The following SCN3B variants were observed in gnomAD, a reference collection of about 807,000 sequenced individuals.
SCN3B encodes the protein sodium voltage-gated channel beta subunit 3, also known as sodium channel regulatory subunit beta-3.
SCN3B carries 11 observed loss-of-function variants against 25.4 expected under a neutral mutation model. That is an observed-to-expected ratio of 0.43 (90% confidence interval 0.27 to 0.72). The LOEUF (loss-of-function observed/expected upper bound fraction) is 0.72. SCN3B is among the 30% of genes least tolerant of loss of function. SCN3B has a pLI of 0.18. For synonymous variants in SCN3B, 109 were observed against 110.7 expected (o/e 0.99, Z 0.09); for missense variants, 218 against 278.3 (o/e 0.78, Z 1.54).
intron 4 of SCN3B, among the ~76,000 whole-genome samples, chr11:123,641,938 A>C (rs1485571632): frequency 6.6e-6 from 1 of 152,176 alleles, no homozygotes; most frequent in Non-Finnish European, 1.5e-5. Context: ...GCAAACTCTC[A>C]GGCTCCACCG....
intron 1 of SCN3B, 31 bp downstream of exon 1, chr11:123,654,195 C>T (rs1336112089): frequency 5.8e-6 from 2 of 344,010 alleles, no homozygotes; most frequent in Non-Finnish European, 1.1e-5. Context: ...GGCCTAGCAG[C>T]CAGGCTGTGG....
At chr11:123,638,518 G>A (rs1955754279) in intron 4 of SCN3B, 194 bp from the exon 5 acceptor site, 3 of 689,850 alleles carry the variant, frequency 4.3e-6, no homozygotes, top group Admixed American at 2.5e-5. Context: ...CAGGAGCCAG[G>A]GAAGAGGGAG....
intron 4 of SCN3B, chr11:123,638,611 C>A (rs917965535): frequency 2.0e-5 from 9 of 449,866 alleles, no homozygotes; most frequent in African/African-American, 1.6e-4. Flanking sequence ...GTCCATTTTG[C>A]TATTTACAGG....
intron 4 of SCN3B, chr11:123,638,715 T>G (rs1955755983): frequency 3.2e-6 from 1 of 314,040 alleles, no homozygotes; most frequent in South Asian, 3.0e-5. Context: ...AATATTACAT[T>G]ATCTAATGTA....
intron 5 of SCN3B, among the ~76,000 whole-genome samples, chr11:123,635,477 G>A (rs1194623027): frequency 6.6e-6 from 1 of 152,076 alleles, no homozygotes; most frequent in Non-Finnish European, 1.5e-5. Flanking sequence ...GAGGTCAGGA[G>A]ATTGAGACCA....
chr11:123,643,319 A>G (rs1005545265), intron 3 of SCN3B, among the ~76,000 whole-genome samples: 2 of 152,186 alleles, frequency 1.3e-5, no homozygotes, highest in African/African-American at 4.8e-5. Flanking sequence ...CTTTGGACTG[A>G]ATTTTAACTA....
At position 123,642,797 on chromosome 11, in the gene SCN3B, G is replaced by A. The variant is rs1591346445; in HGVS notation, c.220-126C>T. The A allele has an allele frequency of 7.9e-6, 6 of 756,174 alleles. No homozygotes were observed. The highest frequency in any genetic ancestry group is 1.7e-5 in the African/African-American group (1 of 58,304). 46.8% of individuals were successfully genotyped at this position (756,174 alleles called of 1,614,324 possible). A position where few individuals can be genotyped will look rare whatever the true frequency, so the allele number is the denominator to read the frequency against. On this transcript the variant is annotated intron_variant, in intron 3 of 6. Coordinates refer to ENST00000299333, the MANE Select transcript of SCN3B (RefSeq NM_001040151.2). This position sits in a 1 kb window ranked among gnomAD's most constrained non-coding sequence, Gnocchi z 4.3. Reference sequence around the variant, plus strand: ...ATGGACAGGGAAGAGAGGGGACAATGCCACCGGGAGACCCAGAATGTGGGG... The same window carrying A: ...ATGGACAGGGAAGAGAGGGGACAATACCACCGGGAGACCCAGAATGTGGGG...
intron 4 of SCN3B, among the ~76,000 whole-genome samples, chr11:123,641,610 C>G (rs1050905179): frequency 1.3e-5 from 2 of 152,198 alleles, no homozygotes; most frequent in South Asian, 4.2e-4. Flanking sequence ...GGAACTCCCC[C>G]CTCAGGATGC....
chr11:123,640,261 TAGCCCACAAATGGCAATACAGGA>T (rs1429795249), intron 4 of SCN3B: 2 of 152,256 alleles, frequency 1.3e-5, no homozygotes, highest in African/African-American at 2.4e-5. Flanking sequence ...CAAAATGCAG[TAGCCCACAAATGGCAATACAGGA>T]AGCTGTCCTC....
At position 123,631,790 on chromosome 11, in the gene SCN3B, C is replaced by A. The variant is rs1293062726; in HGVS notation, c.*2009G>T. 2.6e-5 allele frequency: 4 copies of A among 152,096 alleles called. No homozygotes were observed. Among genetic ancestry groups the A allele is most frequent in the Non-Finnish European group, 5.9e-5 (4 of 68,034 alleles). The allele number at this position is 152,096 out of a possible 1,614,324, so 9.4% of individuals were successfully genotyped here. ...GCTGCAGTGAGCTGAGATTGCACCA[C>A]TGCACTCTAGCCTGGGAGACAGAGT... On this transcript the variant is annotated 3_prime_UTR_variant, in exon 7 of 7. Coordinates refer to ENST00000299333, the MANE Select transcript of SCN3B (RefSeq NM_001040151.2).
chr11:123,649,949 C>T (rs1955904993), intron 2 of SCN3B, among the ~76,000 whole-genome samples: 1 of 152,150 alleles, frequency 6.6e-6, no homozygotes, highest in Admixed American at 6.5e-5. Context: ...GGTGATCTAC[C>T]CACCTTGACC....
At chr11:123,635,499 A>G (rs191476895) in intron 5 of SCN3B, among the ~76,000 whole-genome samples, 1,579 of 152,190 alleles carry the variant, frequency 0.01, 33 homozygotes, top group African/African-American at 0.036. Context: ...CCTGGCTAAC[A>G]TGGTGAAATC....
At position 123,642,262 on chromosome 11, in the gene SCN3B, A is replaced by C. The variant is rs1955800714; in HGVS notation, c.445+184T>G. Among the ~76,000 whole-genome samples, 3 of 152,200 alleles carry C rather than the reference A, an allele frequency of 2.0e-5. No homozygotes were observed. The highest frequency in any genetic ancestry group is 1.3e-4 in the Admixed American group (2 of 15,288). ...AAAGGCACAGAAAGACAAGCTGCTTAGGGAATTTACAGGAAGCTGGCCACC... is the reference window on the plus strand; with the variant it reads ...AAAGGCACAGAAAGACAAGCTGCTTCGGGAATTTACAGGAAGCTGGCCACC... On this transcript the variant is annotated intron_variant, in intron 4 of 6. Coordinates refer to ENST00000299333, the MANE Select transcript of SCN3B (RefSeq NM_001040151.2). This position sits in a 1 kb window ranked among gnomAD's most constrained non-coding sequence, Gnocchi z 4.3.
In SCN3B at chr11:123,633,464, T is replaced by C. The variant is rs1955694007; in HGVS notation, c.*335A>G. 6.4e-6 allele frequency: 1 copy of C among 156,488 alleles called. No homozygotes were observed. The highest frequency in any genetic ancestry group is 1.4e-5 in the Non-Finnish European group (1 of 70,502). 9.7% of individuals were successfully genotyped at this position (156,488 alleles called of 1,614,324 possible). A position where few individuals can be genotyped will look rare whatever the true frequency, so the allele number is the denominator to read the frequency against. ...AGGGAGGTGCTAACTCCAGCACTTGTACAAAGTCATTTGGAGCACAGGGGA... is the reference window on the plus strand; with the variant it reads ...AGGGAGGTGCTAACTCCAGCACTTGCACAAAGTCATTTGGAGCACAGGGGA... On this transcript the variant is annotated 3_prime_UTR_variant, in exon 7 of 7. Transcript: ENST00000299333.
At chr11:123,636,301 A>C (rs1264374010) in intron 5 of SCN3B, among the ~76,000 whole-genome samples, 1 of 152,150 alleles carries the variant, frequency 6.6e-6, no homozygotes, top group Admixed American at 6.5e-5. Context: ...TCCTTGTCCT[A>C]ATAGTATTTT....
rs768340445 is a variant in SCN3B, at chr11:123,638,225, C to T, written c.545G>A (p.Arg182Lys). 1 of 1,614,116 alleles carries T rather than the reference C, an allele frequency of 6.2e-7. No individual in the cohort carries two copies. Among genetic ancestry groups the T allele is most frequent in the Admixed American group, 1.7e-5 (1 of 60,012 alleles). Residue 182 changes from arginine to lysine, a missense_variant, in exon 5 of 7, where the codon AGA (arginine) becomes AAA (lysine). By Grantham distance (26) the Arg-to-Lys change is conservative. Transcript: ENST00000299333. ...TGCCTCTTCGGCTTTTGAGACCTTT[C>T]TGTAGCAATATATCATCTCGATGAG... is the stretch of plus-strand genomic sequence containing the variant. ...WLLIEMIYCY[R>K]KVSKAEEAAQ...
intron 3 of SCN3B, among the ~76,000 whole-genome samples, chr11:123,643,007 A>G (rs1429590357): frequency 6.6e-6 from 1 of 152,156 alleles, no homozygotes; most frequent in Non-Finnish European, 1.5e-5. Context: ...GGAGAAGAGT[A>G]TGGGAGCCCA....
rs1183777197 is a variant in SCN3B, at chr11:123,637,153, C to G, written c.584+1033G>C. 2.0e-5 allele frequency among the ~76,000 whole-genome samples: 3 copies of G among 152,080 alleles called. No individual in the cohort carries two copies. The East Asian group carries it at 5.8e-4, about 29-fold the overall frequency. ...CTTAAGACTCTTTGTTCTTACAGAC[C>G]CCACCGTTTCTCAAATGTGCTCACC... On this transcript the variant is annotated intron_variant, in intron 5 of 6. Coordinates refer to ENST00000299333, the MANE Select transcript of SCN3B (RefSeq NM_001040151.2).
In SCN3B at chr11:123,642,995, C is replaced by T. The variant is rs1034546097; in HGVS notation, c.220-324G>A. On this transcript the variant is annotated intron_variant, in intron 3 of 6. Coordinates refer to ENST00000299333, the MANE Select transcript of SCN3B (RefSeq NM_001040151.2). This position sits in a 1 kb window ranked among gnomAD's most constrained non-coding sequence, Gnocchi z 4.3. Reference sequence around the variant, plus strand: ...TGGAAAGAGGGAGAACAAAGGCAGGCGGGAGAAGAGTATGGGAGCCCAGGA... The same window carrying T: ...TGGAAAGAGGGAGAACAAAGGCAGGTGGGAGAAGAGTATGGGAGCCCAGGA... Among the ~76,000 whole-genome samples, 2 of 151,700 alleles carry T rather than the reference C, an allele frequency of 1.3e-5. No individual in the cohort carries two copies. The highest frequency in any genetic ancestry group is 4.8e-5 in the African/African-American group (2 of 41,260).
Sources: gnomAD v4.1 joint callset for allele counts (sites outside exome capture counted in the v4.1 genomes callset) on GRCh38, gnomAD v4.1.1 for gene constraint, Gnocchi (gnomAD v3.1) non-coding constraint, MANE v1.5 for transcripts, NCBI Gene and HGNC (gene_info 2026-07-23, HGNC 2026-07-21) for gene names.